SORCS2: variants seen among roughly 807,000 people sequenced by gnomAD.
SORCS2 encodes the protein sortilin related VPS10 domain containing receptor 2.
SORCS2 carries 100 observed loss-of-function variants against 141.6 expected under a neutral mutation model. The observed-to-expected ratio is 0.71, with a 90% CI of 0.60 to 0.83. SORCS2 has a LOEUF of 0.83. Among genes scored for constraint, SORCS2 ranks in the 40% least tolerant of loss-of-function variants. The probability of loss-of-function intolerance (pLI) is 0.00; values close to 1 mark genes in which losing one functional copy is unlikely to be tolerated. For missense variants in SORCS2, 1,646 were observed against 1,560.2 expected (o/e 1.05, Z -0.93); for synonymous variants, 789 against 676.9 (o/e 1.17, Z -2.57).
intron 1 of SORCS2, among the ~76,000 whole-genome samples, chr4:7,378,555 C>T (rs1157481461): frequency 1.3e-5 from 2 of 152,196 alleles, no homozygotes; most frequent in Non-Finnish European, 2.9e-5. Flanking sequence ...TATCACCTAT[C>T]ACGAGAATGG....
intron 10 of SORCS2, among the ~76,000 whole-genome samples, chr4:7,688,591 G>A (rs560603613): frequency 6.6e-6 from 1 of 152,308 alleles, no homozygotes; most frequent in African/African-American, 2.4e-5. Context: ...GAGAGGCTAA[G>A]CATTTTTCAT....
chr4:7,509,530 C>G (rs1414781002), intron 2 of SORCS2, among the ~76,000 whole-genome samples: 2 of 152,178 alleles, frequency 1.3e-5, no homozygotes, highest in African/African-American at 2.4e-5. Flanking sequence ...CCCGCACTCG[C>G]CACTCACGGG....
intron 9 of SORCS2, 71 bp downstream of exon 9, chr4:7,676,300 TC>T: frequency 6.2e-6 from 9 of 1,450,714 alleles, no homozygotes; most frequent in Non-Finnish European, 8.4e-6. Flanking sequence ...CCCCACCTCT[TC>T]CTCCCCCCTC....
chr4:7,680,356 C>G (rs1723445714), intron 9 of SORCS2, among the ~76,000 whole-genome samples: 1 of 152,248 alleles, frequency 6.6e-6, no homozygotes, highest in Non-Finnish European at 1.5e-5. Flanking sequence ...AGGCCAGAGT[C>G]TGGGGAGAAC....
intron 3 of SORCS2, among the ~76,000 whole-genome samples, chr4:7,535,207 C>A (rs1355052189): frequency 6.6e-6 from 1 of 152,172 alleles, no homozygotes; most frequent in Non-Finnish European, 1.5e-5. Context: ...AGGCCATGAT[C>A]CCCTAGGTTG....
intron 1 of SORCS2, among the ~76,000 whole-genome samples, chr4:7,200,719 C>T (rs1204518030): frequency 6.6e-6 from 1 of 152,112 alleles, no homozygotes; most frequent in African/African-American, 2.4e-5. Context: ...GCCTGCTGTT[C>T]ACGCTTGGAT....
At chr4:7,729,928 G>C (rs1027551964) in intron 23 of SORCS2, among the ~76,000 whole-genome samples, 1 of 152,136 alleles carries the variant, frequency 6.6e-6, no homozygotes, top group Non-Finnish European at 1.5e-5. Flanking sequence ...AGGTAGTCGG[G>C]GGGAGGGCAC....
chr4:7,317,542 A>G (rs1301758946), intron 1 of SORCS2, among the ~76,000 whole-genome samples: 2 of 152,172 alleles, frequency 1.3e-5, no homozygotes, highest in Non-Finnish European at 2.9e-5. Context: ...TTCCTCCTCT[A>G]TCACAGCCCC....
chr4:7,734,168 G>A lies in SORCS2; in HGVS notation c.3209-104G>A, dbSNP rs559633348. The A allele has an allele frequency of 1.2e-4, 95 of 781,750 alleles. No individual in the cohort carries two copies. In the African/African-American group the frequency reaches 1.3e-3, roughly 10 times the overall value. The allele number at this position is 781,750 out of a possible 1,614,324, so 48.4% of individuals were successfully genotyped here. A position where few individuals can be genotyped will look rare whatever the true frequency, so the allele number is the denominator to read the frequency against. On this transcript the variant is annotated intron_variant, in intron 24 of 26. Transcript: ENST00000507866. Reference sequence around the variant, plus strand: ...GGCAGGGGACAAGCTGGGGATGGGCGGGGGACAGGCTGGGGACGGGTGGGG... The same window carrying A: ...GGCAGGGGACAAGCTGGGGATGGGCAGGGGACAGGCTGGGGACGGGTGGGG...
chr4:7,535,692 TTTAGG>T lies in SORCS2; in HGVS notation c.648+4069_648+4073del, dbSNP rs545097265. Among the ~76,000 whole-genome samples the T allele has an allele frequency of 3.9e-5, 6 of 152,354 alleles. No homozygotes were observed. In the East Asian group the frequency reaches 1.2e-3, roughly 29 times the overall value. The stretch of plus-strand genomic sequence containing the variant: ...GCCCTCCTGGCCAGCCATCTGAGAC[TTTAGG>T]TTAGGAACTGGCTGCAGGGTGACAA... On this transcript the variant is annotated intron_variant, in intron 3 of 26. Transcript: ENST00000507866.
chr4:7,477,426 C>CGGGGCTGACCATGGCTGACT (rs143188607), intron 2 of SORCS2, among the ~76,000 whole-genome samples: 20 of 9,754 alleles, frequency 2.1e-3, no homozygotes, highest in South Asian at 0.026. Flanking sequence ...CGTGGCTGAT[C>CGGGGCTGACCATGGCTGACT]GGGGCTGACC....
chr4:7,397,841 A>G (rs1218799434), intron 2 of SORCS2, among the ~76,000 whole-genome samples: 2 of 152,150 alleles, frequency 1.3e-5, no homozygotes, highest in East Asian at 1.9e-4. Context: ...TCGGTGACAA[A>G]GCGGACGGAG....
At chr4:7,563,163 G>A (rs180758210) in intron 3 of SORCS2, among the ~76,000 whole-genome samples, 68 of 152,270 alleles carry the variant, frequency 4.5e-4, no homozygotes, top group African/African-American at 1.4e-3. Flanking sequence ...AGATGGCAGA[G>A]TGGGGAGGAA....
intron 1 of SORCS2, chr4:7,382,008 G>A (rs1180050868): frequency 6.1e-6 from 6 of 984,722 alleles, no homozygotes; most frequent in South Asian, 4.7e-5. Flanking sequence ...CAGGACCAGG[G>A]ACACAAGGAA....
At chr4:7,600,506 C>A (rs1026456827) in intron 3 of SORCS2, among the ~76,000 whole-genome samples, 1 of 152,112 alleles carries the variant, frequency 6.6e-6, no homozygotes, top group Admixed American at 6.5e-5. Flanking sequence ...GGGGCCACAC[C>A]AATCGGCTCC....
Position 7,734,346 on chromosome 4 carries a change from G to A in SORCS2, c.3283G>A (p.Gly1095Arg). 6.3e-7 allele frequency: 1 copy of A among 1,583,948 alleles called. No homozygotes were observed. The highest frequency in any genetic ancestry group is 8.6e-7 in the Non-Finnish European group (1 of 1,165,492). ...GTTTGTCATCGGGCTCTTCGCAGCG[G>A]GAGCCTTCATCCTCTACAAGTTCAA... ...VLFVIGLFAA[G>R]AFILYKFKRK... The change falls in exon 25 of 27, where the codon GGA becomes AGA. Residue 1095 changes from glycine (G) to arginine (R), a missense_variant. Coordinates refer to ENST00000507866, the MANE Select transcript of SORCS2 (RefSeq NM_020777.3).
intron 1 of SORCS2, among the ~76,000 whole-genome samples, chr4:7,240,210 A>G (rs1185123123): frequency 6.6e-6 from 1 of 152,200 alleles, no homozygotes; most frequent in Non-Finnish European, 1.5e-5. Context: ...CTGCAGGGGC[A>G]GAGAACAAAA....
Position 7,728,472 on chromosome 4 carries a change from C to G in SORCS2, c.2982+10C>G, listed in dbSNP as rs1365569630. The G allele has an allele frequency of 6.3e-7, 1 of 1,597,690 alleles. No individual in the cohort carries two copies. Among genetic ancestry groups the G allele is most frequent in the African/African-American group, 1.3e-5 (1 of 74,676 alleles). ...CCGGCTGCTCTCCAAGGTGTCCACC[C>G]AGAGCCTAGAGCCTCCCCAGCCCCA... On this transcript the variant is annotated intron_variant, in intron 22 of 26. Transcript: ENST00000507866.
chr4:7,721,098 G>A (rs1159598881), intron 18 of SORCS2, among the ~76,000 whole-genome samples: 1 of 152,258 alleles, frequency 6.6e-6, no homozygotes, highest in Non-Finnish European at 1.5e-5. Flanking sequence ...GTGCCCTGCA[G>A]TGGGTGAATG....
Sources: allele counts gnomAD v4.1 joint callset (sites outside exome capture counted in the v4.1 genomes callset), GRCh38; gene constraint gnomAD v4.1.1; transcripts MANE v1.5; gene names NCBI Gene and HGNC (gene_info 2026-07-23, HGNC 2026-07-21).